Variants in NSRP1 observed in about 807,000 individuals in gnomAD.
The protein encoded by NSRP1 is coiled-coil domain containing 55.
A neutral mutation model predicts 54.7 loss-of-function variants in NSRP1; 24 were observed. The observed-to-expected ratio is 0.44, with a 90% CI of 0.32 to 0.62. The LOEUF (loss-of-function observed/expected upper bound fraction) is 0.62, where lower values mean the gene tolerates loss of function less well. NSRP1 is among the 20% of genes least tolerant of loss of function. The pLI, the probability that NSRP1 is intolerant of heterozygous loss-of-function variation, is 0.06. For missense variants in NSRP1, 596 were observed against 651.2 expected, an observed-to-expected ratio of 0.92 and a Z score of 0.92; for synonymous variants, 210 against 213.8, an observed-to-expected ratio of 0.98 and a Z score of 0.15.
Position 30,180,856 on chromosome 17 carries a change from ACTGCACTGTGCCTT to A in NSRP1, c.509-51_509-38del, listed in dbSNP as rs562096092. On this transcript the variant is annotated intron_variant, in intron 5 of 6. Coordinates refer to ENST00000247026, the MANE Select transcript of NSRP1 (RefSeq NM_032141.4). Reference sequence around the variant, plus strand: ...ATATACTGTATGTCTGTAAAATGAAACTGCACTGTGCCTTATTGAATATATTCTAATTTTTGCTT... The same window carrying A: ...ATATACTGTATGTCTGTAAAATGAAAATTGAATATATTCTAATTTTTGCTT... The A allele has an allele frequency of 3.2e-3, 3,668 of 1,130,852 alleles. 75 individuals carry two copies. The African/African-American group carries it at 0.05, about 16-fold the overall frequency. The allele number at this position is 1,130,852 out of a possible 1,614,324, so 70.1% of individuals were successfully genotyped here. A position where few individuals can be genotyped will look rare whatever the true frequency, so the allele number is the denominator to read the frequency against.
chr17:30,136,228 T>A (rs1456534510), intron 2 of NSRP1, among the ~76,000 whole-genome samples: 1 of 152,218 alleles, frequency 6.6e-6, no homozygotes, highest in African/African-American at 2.4e-5. Flanking sequence ...CAGTCTGGGC[T>A]TTCCCCACTG....
intron 2 of NSRP1, among the ~76,000 whole-genome samples, chr17:30,135,410 C>T (rs1454947690): frequency 6.6e-6 from 1 of 151,980 alleles, no homozygotes; most frequent in East Asian, 1.9e-4. Context: ...TAGGTGTGAG[C>T]CACCATGCCT....
intron 2 of NSRP1, chr17:30,127,921 A>G (rs1261475501): frequency 2.5e-6 from 1 of 397,384 alleles, no homozygotes; most frequent in Non-Finnish European, 4.4e-6. Flanking sequence ...GGCAGCCTCA[A>G]CCTCCCAGGC....
At chr17:30,133,891 A>G (rs2071724824) in intron 2 of NSRP1, among the ~76,000 whole-genome samples, 1 of 152,214 alleles carries the variant, frequency 6.6e-6, no homozygotes, top group Non-Finnish European at 1.5e-5. Context: ...AGCAACTTTT[A>G]ATTTCCTTCC....
intron 2 of NSRP1, among the ~76,000 whole-genome samples, chr17:30,128,904 A>G (rs1179186304): frequency 6.6e-6 from 1 of 151,732 alleles, no homozygotes; most frequent in Non-Finnish European, 1.5e-5. Context: ...ATGGCAGACA[A>G]TGAGTGGTTT....
intron 2 of NSRP1, among the ~76,000 whole-genome samples, chr17:30,155,694 C>T (rs546251233): frequency 3.9e-4 from 59 of 152,254 alleles, no homozygotes; most frequent in African/African-American, 1.4e-3. Context: ...TACAGACGTA[C>T]ACCATCGTGT....
At chr17:30,181,416 T>TTTTTG (rs1905289403) in intron 6 of NSRP1, among the ~76,000 whole-genome samples, 1 of 123,196 alleles carries the variant, frequency 8.1e-6, no homozygotes, top group Admixed American at 8.4e-5. Context: ...TTTTTTTTTT[T>TTTTTG]GAGGCAGAGT....
intron 1 of NSRP1, chr17:30,117,639 CTG>C: frequency 6.0e-6 from 2 of 333,848 alleles, no homozygotes; most frequent in Admixed American, 4.5e-5. Context: ...TTCTTAGAAA[CTG>C]TGTAAGTACA....
chr17:30,160,123 A>C (rs556549429), intron 2 of NSRP1, among the ~76,000 whole-genome samples: 68 of 152,292 alleles, frequency 4.5e-4, no homozygotes, highest in African/African-American at 1.5e-3. Context: ...CATATGGTAA[A>C]TTATCTTTAC....
intron 2 of NSRP1, among the ~76,000 whole-genome samples, chr17:30,121,535 T>A (rs2071596618): frequency 6.6e-6 from 1 of 150,696 alleles, no homozygotes; most frequent in African/African-American, 2.4e-5. Context: ...CCTTTTAAAG[T>A]GTACAATTCA....
intron 2 of NSRP1, among the ~76,000 whole-genome samples, chr17:30,130,389 A>G (rs2071689081): frequency 1.3e-5 from 2 of 152,118 alleles, no homozygotes; most frequent in Admixed American, 6.6e-5. Flanking sequence ...GTGAGCCACT[A>G]TGCCCAGCGT....
At chr17:30,165,424 G>A (rs149923988) in intron 2 of NSRP1, among the ~76,000 whole-genome samples, 9 of 152,280 alleles carry the variant, frequency 5.9e-5, no homozygotes, top group African/African-American at 2.2e-4. Context: ...CATTGGGAGA[G>A]GTTAGGTAAA....
At chr17:30,143,806 T>A (rs2071827536) in intron 2 of NSRP1, among the ~76,000 whole-genome samples, 1 of 152,264 alleles carries the variant, frequency 6.6e-6, no homozygotes, top group Non-Finnish European at 1.5e-5. Flanking sequence ...AATAATAATT[T>A]GTATATTTTA....
intron 2 of NSRP1, among the ~76,000 whole-genome samples, chr17:30,139,787 G>C (rs2071786094): frequency 6.6e-6 from 1 of 152,194 alleles, no homozygotes. Flanking sequence ...CACTTTGGGA[G>C]GCTGAGGCGG....
At chr17:30,120,436 G>T (rs183567618) in intron 2 of NSRP1, among the ~76,000 whole-genome samples, 1 of 152,252 alleles carries the variant, frequency 6.6e-6, no homozygotes, top group Admixed American at 6.5e-5. Context: ...TAATTATGTC[G>T]TTGCATTAGT....
intron 2 of NSRP1, among the ~76,000 whole-genome samples, chr17:30,119,662 C>T (rs1453207232): frequency 6.6e-6 from 1 of 152,188 alleles, no homozygotes; most frequent in Non-Finnish European, 1.5e-5. Context: ...ACCACCACGC[C>T]TGGCTAATTC....
At position 30,186,266 on chromosome 17, in the gene NSRP1, A is replaced by G. The variant is rs1319362740; in HGVS notation, c.*592A>G. Reference sequence around the variant, plus strand: ...GGCAACAGAATGAGACCCTGTCTCTAAAAAATTTTTTTTAAATAAATAATT... The same window carrying G: ...GGCAACAGAATGAGACCCTGTCTCTGAAAAATTTTTTTTAAATAAATAATT... On this transcript the variant is annotated 3_prime_UTR_variant, in exon 7 of 7. Transcript: ENST00000247026. The G allele has an allele frequency of 2.6e-5, 4 of 152,224 alleles. No individual in the cohort carries two copies. The highest frequency in any genetic ancestry group is 5.9e-5 in the Non-Finnish European group (4 of 68,046). 9.4% of individuals were successfully genotyped at this position (152,224 alleles called of 1,614,324 possible).
intron 2 of NSRP1, among the ~76,000 whole-genome samples, chr17:30,141,144 C>T (rs138101256): frequency 2.6e-5 from 4 of 152,180 alleles, no homozygotes; most frequent in Admixed American, 1.3e-4. Context: ...ATTCATTGTC[C>T]GCTGTCTTTT....
chr17:30,121,630 C>G lies in NSRP1; in HGVS notation c.114+3457C>G, dbSNP rs2071598474. Among the ~76,000 whole-genome samples, 4 of 146,826 alleles carry G rather than the reference C, an allele frequency of 2.7e-5. No homozygotes were observed. In the South Asian group the frequency reaches 8.6e-4, roughly 32 times the overall value. On this transcript the variant is annotated intron_variant, in intron 2 of 6. Coordinates refer to ENST00000247026, the MANE Select transcript of NSRP1 (RefSeq NM_032141.4). Reference sequence around the variant, plus strand: ...TCAGGCTGGAGTGCGGTGGCGTGATCTCGGCTCACTGCAACTGCAACCTCC... The same window carrying G: ...TCAGGCTGGAGTGCGGTGGCGTGATGTCGGCTCACTGCAACTGCAACCTCC...
Sources: gnomAD v4.1 joint callset for allele counts (sites outside exome capture counted in the v4.1 genomes callset) on GRCh38, gnomAD v4.1.1 for gene constraint, MANE v1.5 for transcripts, NCBI Gene and HGNC (gene_info 2026-07-23, HGNC 2026-07-21) for gene names.